Variants in CEP57 observed in about 807,000 individuals in gnomAD.
CEP57 encodes centrosomal protein of 57 kDa.
CEP57 carries 40 observed loss-of-function variants against 68.0 expected under a neutral mutation model. The observed-to-expected ratio is 0.59, with a 90% CI of 0.46 to 0.77. The LOEUF (loss-of-function observed/expected upper bound fraction) is 0.77, where lower values mean the gene tolerates loss of function less well. Ranked by LOEUF, CEP57 falls within the 30% of genes least tolerant of loss-of-function variation. CEP57 has a pLI of 0.00. For missense variants in CEP57, 606 were observed against 580.7 expected (o/e 1.04, Z -0.45); for synonymous variants, 219 against 198.7 (o/e 1.10, Z -0.86).
intron 1 of CEP57, among the ~76,000 whole-genome samples, chr11:95,794,917 T>G (rs1485812913): frequency 1.3e-5 from 2 of 152,218 alleles, no homozygotes; most frequent in Non-Finnish European, 2.9e-5. Context: ...CCCACACTAC[T>G]TGTTGAAAAT....
chr11:95,795,145 T>C (rs1861287357), intron 1 of CEP57, among the ~76,000 whole-genome samples: 1 of 152,214 alleles, frequency 6.6e-6, no homozygotes, highest in South Asian at 2.1e-4. Flanking sequence ...GTTGGAATTT[T>C]GGTTTAGATT....
rs374754066 is a variant in CEP57 at position 95,822,502 on chromosome 11, A to C, written c.811A>C (p.Ser271Arg). Reference protein sequence around the residue: ...KKKSKPPEKKSSRNYFGAQPH... With the variant: ...KKKSKPPEKKRSRNYFGAQPH... ...TTTTCCTTTTCTTTTCATTCAGAAA[A>C]GTTCTAGGAACTATTTTGGTGCACA... is the stretch of plus-strand genomic sequence containing the variant. Residue 271 changes from serine (S) to arginine (R), a missense_variant, in exon 8 of 11, where the codon AGT (serine) becomes CGT (arginine). Ser to Arg is a moderately radical substitution (Grantham distance 110). Coordinates refer to ENST00000325542, the MANE Select transcript of CEP57 (RefSeq NM_014679.5). 3 of 1,611,362 alleles carry C rather than the reference A, an allele frequency of 1.9e-6. No individual in the cohort carries two copies. In the African/African-American group the frequency reaches 4.0e-5, roughly 22 times the overall value.
At chr11:95,806,993 A>G (rs1197376606) in intron 2 of CEP57, among the ~76,000 whole-genome samples, 2 of 152,130 alleles carry the variant, frequency 1.3e-5, no homozygotes, top group Non-Finnish European at 2.9e-5. Context: ...GACACCTCAT[A>G]CAGCCGGGTC....
In CEP57 at chr11:95,797,411, G is replaced by A. The variant is rs1042343487; in HGVS notation, c.46-1821G>A. ...TCGAACTCCTGACCTCAAGTGATCC[G>A]CCCAGCTCGGCCTCCCAAAGTGCTG... On this transcript the variant is annotated intron_variant, in intron 1 of 10. Transcript: ENST00000325542. Among the ~76,000 whole-genome samples the A allele has an allele frequency of 7.9e-5, 12 of 152,100 alleles. No homozygotes were observed. In the East Asian group the frequency reaches 9.7e-4, roughly 12 times the overall value.
intron 2 of CEP57, among the ~76,000 whole-genome samples, chr11:95,806,062 T>TA (rs1466414752): frequency 1.3e-5 from 2 of 152,220 alleles, no homozygotes; most frequent in Non-Finnish European, 2.9e-5. Flanking sequence ...ACTGTGTTGT[T>TA]AAAGCACTGA....
chr11:95,818,359 C>T (rs1374540903), intron 5 of CEP57, among the ~76,000 whole-genome samples: 2 of 149,044 alleles, frequency 1.3e-5, no homozygotes, highest in Admixed American at 1.3e-4. Context: ...TGTTGTGAGC[C>T]GAGATCACGC....
intron 2 of CEP57, among the ~76,000 whole-genome samples, chr11:95,803,368 G>A (rs1368464838): frequency 6.6e-6 from 1 of 152,108 alleles, no homozygotes; most frequent in Non-Finnish European, 1.5e-5. Flanking sequence ...ACATCATCAA[G>A]GATACAGTAG....
At chr11:95,822,052 T>G (rs1363935946) in intron 7 of CEP57, 74 bp downstream of exon 7, 7 of 956,052 alleles carry the variant, frequency 7.3e-6, no homozygotes, top group Non-Finnish European at 1.0e-5. Context: ...CCATAAACTG[T>G]GTGGTGTACT....
chr11:95,799,395 G>A lies in CEP57; in HGVS notation c.202+7G>A, dbSNP rs922550025. On this transcript the variant is annotated splice_region_variant and intron_variant, in intron 2 of 10. Transcript: ENST00000325542. Reference sequence around the variant, plus strand: ...CCAGAAAGCAACAGCAGAGGTAATCGAGCCTAACGAAATAAATGTTATTTG... The same window carrying A: ...CCAGAAAGCAACAGCAGAGGTAATCAAGCCTAACGAAATAAATGTTATTTG... 1.9e-6 allele frequency: 3 copies of A among 1,613,666 alleles called. No individual in the cohort carries two copies. The highest frequency in any genetic ancestry group is 2.5e-6 in the Non-Finnish European group (3 of 1,179,754).
At chr11:95,809,571 T>C (rs1025347343) in intron 2 of CEP57, among the ~76,000 whole-genome samples, 1 of 151,990 alleles carries the variant, frequency 6.6e-6, no homozygotes, top group South Asian at 2.1e-4. Context: ...ACTATAAACA[T>C]CTCTACGCAA....
At chr11:95,813,633 G>A in intron 4 of CEP57, 44 bp downstream of exon 4, 1 of 1,608,292 alleles carries the variant, frequency 6.2e-7, no homozygotes, top group Non-Finnish European at 8.5e-7. Context: ...AACAGTTATG[G>A]GGAAAACTAA....
At chr11:95,818,268 C>T (rs1324359038) in intron 5 of CEP57, among the ~76,000 whole-genome samples, 2 of 151,814 alleles carry the variant, frequency 1.3e-5, no homozygotes, top group Admixed American at 6.6e-5. Context: ...AAAAATTAGC[C>T]GGGCATCGTG....
rs998644824 is a variant in CEP57 at position 95,807,762 on chromosome 11, C to T, written c.203-5170C>T. Among the ~76,000 whole-genome samples the T allele has an allele frequency of 3.3e-4, 50 of 152,122 alleles. 1 individual carries two copies. The highest frequency in any genetic ancestry group is 1.1e-3 in the African/African-American group (45 of 41,422). Reference sequence around the variant, plus strand: ...CTCTGATTGGTGTACCTGAAAGTGACGGGGAGAATGGAACCAAGTTGGAAA... The same window carrying T: ...CTCTGATTGGTGTACCTGAAAGTGATGGGGAGAATGGAACCAAGTTGGAAA... On this transcript the variant is annotated intron_variant, in intron 2 of 10. Transcript: ENST00000325542.
intron 4 of CEP57, among the ~76,000 whole-genome samples, chr11:95,814,069 ATCTCACTCTG>A (rs1229011096): frequency 2.6e-5 from 4 of 151,970 alleles, no homozygotes; most frequent in East Asian, 3.9e-4. Context: ...AATTGATTGG[ATCTCACTCTG>A]TCTCACTCTG....
intron 2 of CEP57, among the ~76,000 whole-genome samples, chr11:95,805,863 A>G (rs192747364): frequency 6.6e-6 from 1 of 152,330 alleles, no homozygotes; most frequent in East Asian, 1.9e-4. Flanking sequence ...AATTTAGTGT[A>G]TGATCAATTT....
At chr11:95,806,902 G>A in intron 2 of CEP57, among the ~76,000 whole-genome samples, 1 of 152,206 alleles carries the variant, frequency 6.6e-6, no homozygotes, top group Non-Finnish European at 1.5e-5. Context: ...TGAGATCTGA[G>A]AACGGACAGA....
Position 95,799,322 on chromosome 11 carries a change from C to T in CEP57, c.136C>T (p.Leu46Phe), listed in dbSNP as rs1180691016. The T allele has an allele frequency of 6.2e-7, 1 of 1,614,128 alleles. No homozygotes were observed. Among genetic ancestry groups the T allele is most frequent in the Non-Finnish European group, 8.5e-7 (1 of 1,180,002 alleles). The change falls in exon 2 of 11, where the codon CTT (leucine) becomes TTT (phenylalanine). Residue 46 changes from leucine (L) to phenylalanine (F), a missense_variant. Physicochemically the swap from Leu to Phe is conservative, Grantham distance 22. Transcript: ENST00000325542. ...YVVYPSDKPF[L>F]NSDLRRSPSK... ...AGTATATCCTTCGGATAAGCCTTTC[C>T]TTAATAGTGATCTACGACGCTCCCC...
intron 2 of CEP57, among the ~76,000 whole-genome samples, chr11:95,810,285 T>G (rs1416714078): frequency 6.6e-6 from 1 of 152,174 alleles, no homozygotes; most frequent in African/African-American, 2.4e-5. Context: ...CTTTGAAAAC[T>G]GGCACAAGAC....
chr11:95,801,385 A>T (rs919458885), intron 2 of CEP57, among the ~76,000 whole-genome samples: 1 of 151,230 alleles, frequency 6.6e-6, no homozygotes, highest in African/African-American at 2.4e-5. Context: ...ACATCAGAGT[A>T]TAGCAGGTTG....
Sources: allele counts gnomAD v4.1 joint callset (sites outside exome capture counted in the v4.1 genomes callset), GRCh38; gene constraint gnomAD v4.1.1; transcripts MANE v1.5; gene names NCBI Gene and HGNC (gene_info 2026-07-23, HGNC 2026-07-21).